PRORP: variants seen among roughly 807,000 people sequenced by gnomAD.
PRORP encodes mitochondrial ribonuclease P catalytic subunit.
A neutral mutation model predicts 59.4 loss-of-function variants in PRORP; 51 were observed. That is an observed-to-expected ratio of 0.86 (90% CI 0.69 to 1.08). The LOEUF (loss-of-function observed/expected upper bound fraction) is 1.08, where lower values mean the gene tolerates loss of function less well. Ranked by LOEUF, PRORP falls within the 50% of genes least tolerant of loss-of-function variation. The pLI is 0.00. For missense variants in PRORP, 646 were observed against 690.3 expected, an observed-to-expected ratio of 0.94 and a Z score of 0.72; for synonymous variants, 231 against 245.6, an observed-to-expected ratio of 0.94 and a Z score of 0.55.
rs554282822 is a variant in PRORP at position 35,184,764 on chromosome 14, A to G, written c.1275+3987A>G. ...AATTTAGTTCCCACTTATAAGTGAG[A>G]ACATGTAGTATTTGGATGTCTGTTT... On this transcript the variant is annotated intron_variant, in intron 5 of 7. Coordinates refer to ENST00000534898, the MANE Select transcript of PRORP (RefSeq NM_014672.4). 2.7e-4 allele frequency among the ~76,000 whole-genome samples: 41 copies of G among 152,234 alleles called. No individual in the cohort carries two copies. In the Middle Eastern group the frequency reaches 0.01, roughly 38 times the overall value.
chr14:35,174,402 T>C (rs1177200848), intron 4 of PRORP, among the ~76,000 whole-genome samples: 2 of 152,198 alleles, frequency 1.3e-5, no homozygotes, highest in Non-Finnish European at 2.9e-5. Context: ...TCACATTTAA[T>C]ATTATTTACT....
intron 4 of PRORP, among the ~76,000 whole-genome samples, chr14:35,168,042 T>G (rs2048228369): frequency 6.6e-6 from 1 of 152,246 alleles, no homozygotes; most frequent in Non-Finnish European, 1.5e-5. Context: ...TGTTTTCGGT[T>G]TTTGGCAATT....
chr14:35,164,501 C>T (rs1167324452), intron 4 of PRORP, among the ~76,000 whole-genome samples: 3 of 152,098 alleles, frequency 2.0e-5, no homozygotes, highest in South Asian at 2.1e-4. Context: ...TGGATGGAGC[C>T]GGACGCCATA....
intron 4 of PRORP, among the ~76,000 whole-genome samples, chr14:35,135,993 T>A (rs2047363373): frequency 6.6e-6 from 1 of 150,436 alleles, no homozygotes; most frequent in Non-Finnish European, 1.5e-5. Flanking sequence ...AGCAAAAGTA[T>A]GATATGTATA....
intron 4 of PRORP, among the ~76,000 whole-genome samples, chr14:35,131,952 G>T (rs1351230349): frequency 1.3e-5 from 2 of 151,198 alleles, no homozygotes; most frequent in African/African-American, 4.9e-5. Context: ...TGATTCTCCT[G>T]CCTCAGCCTC....
Position 35,205,421 on chromosome 14 carries a change from C to T in PRORP, c.1275+24644C>T, listed in dbSNP as rs2049266453. Among the ~76,000 whole-genome samples, 3 of 152,158 alleles carry T rather than the reference C, an allele frequency of 2.0e-5. No homozygotes were observed. The South Asian group carries it at 6.2e-4, about 31-fold the overall frequency. On this transcript the variant is annotated intron_variant, in intron 5 of 7. Transcript: ENST00000534898. ...GCCAGACTGGTCTCGAACTCCTGAC[C>T]TCAGGCAATCTGTCCACCTCGGCCT...
At chr14:35,178,711 T>C (rs1167273635) in intron 4 of PRORP, among the ~76,000 whole-genome samples, 1 of 152,324 alleles carries the variant, frequency 6.6e-6, no homozygotes, top group East Asian at 1.9e-4. Flanking sequence ...TGCCAGACTG[T>C]GTCTTTTAAT....
In PRORP at chr14:35,210,193, T is replaced by C. The variant is rs370258008; in HGVS notation, c.1275+29416T>C. On this transcript the variant is annotated intron_variant, in intron 5 of 7. Transcript: ENST00000534898. Reference sequence around the variant, plus strand: ...TAAGTATTATGAATTGAAGTTTTTATTTTATTTGACTAGAAGAAGGACCTT... The same window carrying C: ...TAAGTATTATGAATTGAAGTTTTTACTTTATTTGACTAGAAGAAGGACCTT... 8.3e-4 allele frequency among the ~76,000 whole-genome samples: 127 copies of C among 152,342 alleles called. 1 individual carries two copies. The highest frequency in any genetic ancestry group is 2.9e-3 in the African/African-American group (121 of 41,588).
intron 5 of PRORP, among the ~76,000 whole-genome samples, chr14:35,196,337 T>C (rs1209885809): frequency 6.6e-6 from 1 of 151,974 alleles, no homozygotes; most frequent in Admixed American, 6.6e-5. Flanking sequence ...AAAATAAATT[T>C]TTAAAAATAA....
At chr14:35,213,770 CA>C (rs762275806) in intron 5 of PRORP, among the ~76,000 whole-genome samples, 19 of 152,256 alleles carry the variant, frequency 1.2e-4, no homozygotes, top group Non-Finnish European at 2.4e-4. Context: ...GAGTGTGGTT[CA>C]TGGCACCCCA....
intron 5 of PRORP, among the ~76,000 whole-genome samples, chr14:35,215,586 A>T (rs7153693): frequency 0.71 from 107,037 of 151,144 alleles, 38,386 homozygotes; most frequent in Admixed American, 0.79. Flanking sequence ...ACCGTGACTC[A>T]AAAAAAAAAA....
At chr14:35,126,613 C>A in intron 2 of PRORP, 122 bp from the exon 3 acceptor site, 1 of 680,196 alleles carries the variant, frequency 1.5e-6, no homozygotes, top group Non-Finnish European at 2.5e-6. Flanking sequence ...TTAAACCATT[C>A]TACAGAAGTA....
At chr14:35,131,948 T>A (rs1595164126) in intron 4 of PRORP, among the ~76,000 whole-genome samples, 1 of 152,040 alleles carries the variant, frequency 6.6e-6, no homozygotes, top group South Asian at 2.1e-4. Flanking sequence ...CAAGTGATTC[T>A]CCTGCCTCAG....
chr14:35,127,903 T>C (rs2047137983), intron 4 of PRORP, among the ~76,000 whole-genome samples: 1 of 152,220 alleles, frequency 6.6e-6, no homozygotes, highest in African/African-American at 2.4e-5. Context: ...CGTAGAATAA[T>C]TGGGTTAGAC....
chr14:35,218,948 C>T (rs1416602507), intron 5 of PRORP: 1 of 152,190 alleles, frequency 6.6e-6, no homozygotes, highest in Non-Finnish European at 1.5e-5. Flanking sequence ...ATAGAAGCTA[C>T]ACTTTTTCAG....
rs150666720 is a variant in PRORP, at chr14:35,245,830, C to T, written c.1276-20897C>T. 2.5e-3 allele frequency among the ~76,000 whole-genome samples: 378 copies of T among 152,256 alleles called. 2 individuals carry two copies. The highest frequency in any genetic ancestry group is 8.5e-3 in the African/African-American group (354 of 41,546). On this transcript the variant is annotated intron_variant, in intron 5 of 7. Transcript: ENST00000534898. ...TTACCGCTCTCCTGTATTGGAACTC[C>T]AATTTCCTGTCTTCCTCTTTCTTGG...
At chr14:35,249,838 G>T (rs1433747172) in intron 5 of PRORP, among the ~76,000 whole-genome samples, 1 of 152,102 alleles carries the variant, frequency 6.6e-6, no homozygotes, top group Non-Finnish European at 1.5e-5. Context: ...AAATTAATTT[G>T]CTCTTCTTTC....
At chr14:35,162,168 A>G (rs891854609) in intron 4 of PRORP, among the ~76,000 whole-genome samples, 6 of 152,124 alleles carry the variant, frequency 3.9e-5, no homozygotes, top group African/African-American at 1.4e-4. Flanking sequence ...CACTATTACA[A>G]AAGTGTCACA....
chr14:35,276,905 T>A lies in PRORP; in HGVS notation c.*3339T>A, dbSNP rs2051302130. Reference sequence around the variant, plus strand: ...AAGGCTGAGTTTATTCTCTCAGGGCTCTGTTGGGTCTACCTCATCTGAGGT... The same window carrying A: ...AAGGCTGAGTTTATTCTCTCAGGGCACTGTTGGGTCTACCTCATCTGAGGT... On this transcript the variant is annotated 3_prime_UTR_variant, in exon 8 of 8. Coordinates refer to ENST00000534898, the MANE Select transcript of PRORP (RefSeq NM_014672.4). 6.6e-6 allele frequency: 1 copy of A among 152,194 alleles called. No individual in the cohort carries two copies. The highest frequency in any genetic ancestry group is 1.5e-5 in the Non-Finnish European group (1 of 68,042). 9.4% of individuals were successfully genotyped at this position (152,194 alleles called of 1,614,324 possible).
Sources: allele counts gnomAD v4.1 joint callset (sites outside exome capture counted in the v4.1 genomes callset), GRCh38; gene constraint gnomAD v4.1.1; transcripts MANE v1.5; gene names NCBI Gene and HGNC (gene_info 2026-07-23, HGNC 2026-07-21).